MAGI3: variants seen among roughly 807,000 people sequenced by gnomAD.
The protein encoded by MAGI3 is membrane-associated guanylate kinase, WW and PDZ domain-containing protein 3.
Under a neutral mutation model 121.8 loss-of-function variants are expected in MAGI3, and 43 were observed. The ratio of observed to expected loss-of-function variants is 0.35; its 90% confidence interval spans 0.28 to 0.46. The LOEUF is 0.46. Among genes scored for constraint, MAGI3 ranks in the 20% least tolerant of loss-of-function variants. The pLI is 1.00. For missense variants in MAGI3, 1,547 were observed against 1,797.3 expected, an observed-to-expected ratio of 0.86 and a Z score of 2.52; for synonymous variants, 553 against 639.3, an observed-to-expected ratio of 0.86 and a Z score of 2.04.
At chr1:113,558,491 A>G (rs1225320668) in intron 2 of MAGI3, among the ~76,000 whole-genome samples, 1 of 152,226 alleles carries the variant, frequency 6.6e-6, no homozygotes, top group Non-Finnish European at 1.5e-5. Context: ...GAATTAAGAC[A>G]GGCAGACAAG....
At chr1:113,550,971 AG>A (rs66602768) in intron 2 of MAGI3, among the ~76,000 whole-genome samples, 64,637 of 134,488 alleles carry the variant, frequency 0.48, 16,587 homozygotes, top group East Asian at 0.73. Context: ...AAAAAAAAAA[AG>A]AAGAAGAAGA....
At chr1:113,608,091 C>A (rs1462512108) in intron 6 of MAGI3, among the ~76,000 whole-genome samples, 2 of 152,028 alleles carry the variant, frequency 1.3e-5, no homozygotes, top group African/African-American at 2.4e-5. Context: ...CTCAGTAGTA[C>A]CATATGACAT....
chr1:113,671,553 C>T (rs1331030644), intron 16 of MAGI3, among the ~76,000 whole-genome samples, 181 bp from the exon 17 acceptor site: 1 of 152,152 alleles, frequency 6.6e-6, no homozygotes, highest in Non-Finnish European at 1.5e-5. Flanking sequence ...TAATCAAAAG[C>T]CACAGGGAAA....
At chr1:113,554,035 C>T (rs1302261593) in intron 2 of MAGI3, among the ~76,000 whole-genome samples, 2 of 152,064 alleles carry the variant, frequency 1.3e-5, no homozygotes, top group Admixed American at 1.3e-4. Context: ...AATAGAAAGA[C>T]AACAAAATGG....
intron 4 of MAGI3, among the ~76,000 whole-genome samples, chr1:113,587,001 A>G (rs1648403426): frequency 6.6e-6 from 1 of 152,212 alleles, no homozygotes; most frequent in African/African-American, 2.4e-5. Flanking sequence ...TTATGTATAG[A>G]TACCATAGGA....
At chr1:113,452,455 T>C (rs1011132609) in intron 1 of MAGI3, among the ~76,000 whole-genome samples, 4 of 147,216 alleles carry the variant, frequency 2.7e-5, no homozygotes, top group South Asian at 2.2e-4. Context: ...TGCATAGACA[T>C]ACACACACAC....
At chr1:113,603,915 G>A (rs907151091) in intron 6 of MAGI3, among the ~76,000 whole-genome samples, 8 of 152,038 alleles carry the variant, frequency 5.3e-5, no homozygotes, top group Non-Finnish European at 4.4e-5. Flanking sequence ...TCATCATCAG[G>A]GATGCGTAAA....
At chr1:113,428,091 G>C (rs772307200) in intron 1 of MAGI3, among the ~76,000 whole-genome samples, 1 of 151,704 alleles carries the variant, frequency 6.6e-6, no homozygotes, top group African/African-American at 2.4e-5. Context: ...CCTCACTCTG[G>C]CTTGCCTTTT....
At chr1:113,404,995 T>C (rs1651597629) in intron 1 of MAGI3, among the ~76,000 whole-genome samples, 1 of 152,150 alleles carries the variant, frequency 6.6e-6, no homozygotes, top group Non-Finnish European at 1.5e-5. Flanking sequence ...GTTTATTTAT[T>C]TATGCTTATG....
chr1:113,637,844 C>G (rs1454729463), intron 9 of MAGI3, among the ~76,000 whole-genome samples: 1 of 152,194 alleles, frequency 6.6e-6, no homozygotes, highest in Non-Finnish European at 1.5e-5. Context: ...TGGTTCCATT[C>G]TCCCCATCAC....
At chr1:113,567,014 A>T (rs1017892151) in intron 2 of MAGI3, among the ~76,000 whole-genome samples, 4 of 151,602 alleles carry the variant, frequency 2.6e-5, no homozygotes, top group South Asian at 2.1e-4. Flanking sequence ...GTTTTTTTTT[A>T]AAAAGAAAAT....
At chr1:113,653,718 C>T (rs1653309312) in intron 14 of MAGI3, 112 bp from the exon 15 acceptor site, 1 of 936,352 alleles carries the variant, frequency 1.1e-6, no homozygotes, top group African/African-American at 1.7e-5. Flanking sequence ...CTTTTCTATT[C>T]TTTATGTTAT....
rs553645454 is a variant in MAGI3, at chr1:113,586,951, A to G, written c.763+1355A>G. Among the ~76,000 whole-genome samples the G allele has an allele frequency of 4.7e-4, 71 of 152,320 alleles. No individual in the cohort carries two copies. The Middle Eastern group carries it at 0.01, about 22-fold the overall frequency. On this transcript the variant is annotated intron_variant, in intron 4 of 20. Coordinates refer to ENST00000307546, the MANE Select transcript of MAGI3 (RefSeq NM_001142782.2). Reference sequence around the variant, plus strand: ...TTTGATGTTAATATTTAAAGGGAATATATCCAAGGGTGTGTGGGAGGCAGT... The same window carrying G: ...TTTGATGTTAATATTTAAAGGGAATGTATCCAAGGGTGTGTGGGAGGCAGT...
At chr1:113,452,451 G>GACACACACAC (rs778034122) in intron 1 of MAGI3, among the ~76,000 whole-genome samples, 1 of 82,686 alleles carries the variant, frequency 1.2e-5, no homozygotes, top group Non-Finnish European at 3.2e-5. Flanking sequence ...TATGTGCATA[G>GACACACACAC]ACATACACAC....
At position 113,642,360 on chromosome 1, in the gene MAGI3, A is replaced by G; in HGVS notation, c.1810A>G (p.Ile604Val). 6.2e-7 allele frequency: 1 copy of G among 1,614,204 alleles called. No individual in the cohort carries two copies. Among genetic ancestry groups the G allele is most frequent in the Non-Finnish European group, 8.5e-7 (1 of 1,180,030 alleles). Residue 604 changes from isoleucine (I) to valine (V), a missense_variant, in exon 10 of 21, where the codon ATA becomes GTA. Coordinates refer to ENST00000307546, the MANE Select transcript of MAGI3 (RefSeq NM_001142782.2). The stretch of plus-strand genomic sequence containing the variant: ...CCCTACTGGACAGAAGGTGAAAATG[A>G]TACTGGATAGTCAGTGGTGTCAAGG... ...DSPTGQKVKMILDSQWCQGLQ... is the reference protein window; with the variant it reads ...DSPTGQKVKMVLDSQWCQGLQ...
chr1:113,450,262 G>A (rs1654410595), intron 1 of MAGI3: 1 of 1,601,962 alleles, frequency 6.2e-7, no homozygotes. Flanking sequence ...GCAGTCTGCT[G>A]GATCACAGAG....
At chr1:113,576,615 A>G (rs10858007) in intron 2 of MAGI3, 34,354 of 152,160 alleles carry the variant, frequency 0.23, 4,932 homozygotes, top group East Asian at 0.65. Context: ...GCATCTTGCC[A>G]GCTCCCACAA....
chr1:113,682,365 C>G (rs1648277498), intron 20 of MAGI3: 2 of 1,530,304 alleles, frequency 1.3e-6, no homozygotes, highest in African/African-American at 2.8e-5. Flanking sequence ...AAAAATGATG[C>G]TATTAAATAC....
At chr1:113,571,454 T>G (rs1250933902) in intron 2 of MAGI3, among the ~76,000 whole-genome samples, 1 of 152,242 alleles carries the variant, frequency 6.6e-6, no homozygotes. Flanking sequence ...TTGATGGGGA[T>G]AGCATTGAAT....
Sources: allele counts gnomAD v4.1 joint callset (sites outside exome capture counted in the v4.1 genomes callset), GRCh38; gene constraint gnomAD v4.1.1; transcripts MANE v1.5; gene names NCBI Gene and HGNC (gene_info 2026-07-23, HGNC 2026-07-21).